Variants in GAREM1 observed in about 807,000 individuals in gnomAD.
GAREM1 encodes GRB2-associated and regulator of MAPK protein 1.
Under a neutral mutation model 71.3 loss-of-function variants are expected in GAREM1, and 26 were observed. That is an observed-to-expected ratio of 0.36 (90% CI 0.27 to 0.51). GAREM1 has a LOEUF of 0.51. Ranked by LOEUF, GAREM1 falls within the 20% of genes least tolerant of loss-of-function variation. GAREM1 has a pLI of 0.95. For missense variants in GAREM1, 1,026 were observed against 1,103.1 expected, an observed-to-expected ratio of 0.93 and a Z score of 0.99; for synonymous variants, 440 against 433.2, an observed-to-expected ratio of 1.02 and a Z score of -0.20.
At chr18:32,283,203 C>T (rs550767883) in intron 4 of GAREM1, among the ~76,000 whole-genome samples, 3 of 152,298 alleles carry the variant, frequency 2.0e-5, no homozygotes, top group Non-Finnish European at 2.9e-5. Context: ...AGGAAGAGAA[C>T]GGCCTCTCAT....
Position 32,392,948 on chromosome 18 carries a change from T to A in GAREM1, c.209A>T (p.Glu70Val). ...QWTTITAHSL[E>V]EGHYVIGPKI... ...TGGCCCAATGACATAGTGACCCTCC[T>A]CCAAGCTGTGGGCAGTGATGGTGGT... Residue 70 changes from glutamate to valine, a missense_variant, in exon 2 of 6, where the codon GAG becomes GTG. Coordinates refer to ENST00000269209, the MANE Select transcript of GAREM1 (RefSeq NM_001242409.2). The A allele has an allele frequency of 6.2e-7, 1 of 1,613,868 alleles. No individual in the cohort carries two copies. Among genetic ancestry groups the A allele is most frequent in the Non-Finnish European group, 8.5e-7 (1 of 1,179,880 alleles).
intron 1 of GAREM1, among the ~76,000 whole-genome samples, chr18:32,417,908 C>T (rs2048479826): frequency 6.6e-6 from 1 of 151,968 alleles, no homozygotes; most frequent in African/African-American, 2.4e-5. Flanking sequence ...AAAGGAGAAA[C>T]ACTTGAGGAG....
At chr18:32,298,925 A>G (rs1490078525) in intron 3 of GAREM1, among the ~76,000 whole-genome samples, 1 of 152,192 alleles carries the variant, frequency 6.6e-6, no homozygotes, top group Non-Finnish European at 1.5e-5. Context: ...ATAAATGTTA[A>G]TCCTAAATGG....
intron 2 of GAREM1, among the ~76,000 whole-genome samples, chr18:32,375,624 T>C (rs1311229312): frequency 2.6e-5 from 4 of 152,190 alleles, no homozygotes; most frequent in Admixed American, 6.5e-5. Flanking sequence ...AGATATTCTG[T>C]TGGTCCTATA....
At chr18:32,336,456 C>T (rs1388329736) in intron 2 of GAREM1, among the ~76,000 whole-genome samples, 1 of 149,614 alleles carries the variant, frequency 6.7e-6, no homozygotes, top group Non-Finnish European at 1.5e-5. Context: ...AAAAATCATA[C>T]AGTATATATG....
chr18:32,269,715 A>C (rs2041429849), intron 5 of GAREM1, among the ~76,000 whole-genome samples: 1 of 152,182 alleles, frequency 6.6e-6, no homozygotes. Flanking sequence ...GCTGTGTTGC[A>C]GAAGAATGAT....
intron 2 of GAREM1, among the ~76,000 whole-genome samples, chr18:32,344,972 G>A (rs2047680324): frequency 6.6e-6 from 1 of 152,206 alleles, no homozygotes; most frequent in Non-Finnish European, 1.5e-5. Context: ...TGAGGGAGGA[G>A]AATTGCTTGA....
chr18:32,343,256 G>T (rs16963169), intron 2 of GAREM1, among the ~76,000 whole-genome samples: 1 of 150,606 alleles, frequency 6.6e-6, no homozygotes, highest in Non-Finnish European at 1.5e-5. Flanking sequence ...AAAAAGCACC[G>T]TCACTGAGAA....
At chr18:32,442,128 C>T (rs2048744320) in intron 1 of GAREM1, among the ~76,000 whole-genome samples, 1 of 152,028 alleles carries the variant, frequency 6.6e-6, no homozygotes, top group East Asian at 1.9e-4. Context: ...TATTGAAAAT[C>T]CGTTGTTCTA....
chr18:32,292,904 G>C (rs933092982), intron 3 of GAREM1, among the ~76,000 whole-genome samples: 7 of 152,142 alleles, frequency 4.6e-5, no homozygotes, highest in African/African-American at 1.7e-4. Flanking sequence ...TTTTCATAGG[G>C]ATATGGGTAG....
Position 32,267,154 on chromosome 18 carries a change from C to T in GAREM1, c.*717G>A, listed in dbSNP as rs935922496. ...ATCAGAATCAAAATTATGTGTAAAA[C>T]ATATCCGGGTGTATTGTGTATGCAC... On this transcript the variant is annotated 3_prime_UTR_variant, in exon 6 of 6. Coordinates refer to ENST00000269209, the MANE Select transcript of GAREM1 (RefSeq NM_001242409.2). 1 of 152,148 alleles carries T rather than the reference C, an allele frequency of 6.6e-6. No individual in the cohort carries two copies. Among genetic ancestry groups the T allele is most frequent in the African/African-American group, 2.4e-5 (1 of 41,448 alleles). The allele number at this position is 152,148 out of a possible 1,614,324, so 9.4% of individuals were successfully genotyped here.
chr18:32,324,795 T>TG (rs912234579), intron 2 of GAREM1, among the ~76,000 whole-genome samples: 1 of 152,090 alleles, frequency 6.6e-6, no homozygotes, highest in African/African-American at 2.4e-5. Context: ...TGAAAAGACA[T>TG]GGGGGAAACT....
At chr18:32,320,592 T>C (rs1207137178) in intron 2 of GAREM1, among the ~76,000 whole-genome samples, 1 of 152,178 alleles carries the variant, frequency 6.6e-6, no homozygotes, top group African/African-American at 2.4e-5. Flanking sequence ...AATAATGAAC[T>C]GCACCATAGA....
chr18:32,309,116 A>G (rs2047287784), intron 3 of GAREM1, among the ~76,000 whole-genome samples: 1 of 150,360 alleles, frequency 6.7e-6, no homozygotes, highest in Non-Finnish European at 1.5e-5. Flanking sequence ...CTGAAATGAC[A>G]TTAAAGAGAA....
At chr18:32,299,154 C>T (rs2047172743) in intron 3 of GAREM1, among the ~76,000 whole-genome samples, 1 of 151,384 alleles carries the variant, frequency 6.6e-6, no homozygotes, top group Middle Eastern at 3.4e-3. Context: ...GAATGGATCT[C>T]GAAAATAAAT....
chr18:32,282,635 C>T (rs1188666491), intron 4 of GAREM1, among the ~76,000 whole-genome samples: 1 of 152,138 alleles, frequency 6.6e-6, no homozygotes, highest in East Asian at 1.9e-4. Flanking sequence ...GTCTTGAACT[C>T]CTGAGCTCAA....
rs1297853439 is a variant in GAREM1, at chr18:32,263,870, C to A, written c.*4001G>T. 6.6e-6 allele frequency: 1 copy of A among 152,054 alleles called. No individual in the cohort carries two copies. The highest frequency in any genetic ancestry group is 1.5e-5 in the Non-Finnish European group (1 of 68,014). 9.4% of individuals were successfully genotyped at this position (152,054 alleles called of 1,614,324 possible). A position where few individuals can be genotyped will look rare whatever the true frequency, so the allele number is the denominator to read the frequency against. ...TTTATAGCTAAGAAATTATCTGAGC[C>A]CTACTACATGAGATTGTAAACAAAG... is the stretch of plus-strand genomic sequence containing the variant. On this transcript the variant is annotated 3_prime_UTR_variant, in exon 6 of 6. Transcript: ENST00000269209.
intron 1 of GAREM1, among the ~76,000 whole-genome samples, chr18:32,464,742 A>ACT (rs2048983341): frequency 6.6e-6 from 1 of 151,040 alleles, no homozygotes; most frequent in Non-Finnish European, 1.5e-5. Flanking sequence ...GATATGCTAT[A>ACT]CTCTGAAGCC....
chr18:32,269,885 T>C (rs182476192), intron 5 of GAREM1, among the ~76,000 whole-genome samples: 10 of 152,290 alleles, frequency 6.6e-5, no homozygotes, highest in Admixed American at 5.9e-4. Context: ...AGGTGCTGTC[T>C]GCTCGTGTCA....
Sources: gnomAD v4.1 joint callset for allele counts (sites outside exome capture counted in the v4.1 genomes callset) on GRCh38, gnomAD v4.1.1 for gene constraint, MANE v1.5 for transcripts, NCBI Gene and HGNC (gene_info 2026-07-23, HGNC 2026-07-21) for gene names.